L3MBTL3: variants seen among roughly 807,000 people sequenced by gnomAD.
The protein encoded by L3MBTL3 is L3MBTL histone methyl-lysine binding protein 3.
Under a neutral mutation model 102.3 loss-of-function variants are expected in L3MBTL3, and 27 were observed. The observed-to-expected ratio is 0.26, with a 90% CI of 0.19 to 0.36. L3MBTL3 has a LOEUF of 0.36. L3MBTL3 is among the 10% of genes least tolerant of loss of function. The probability of loss-of-function intolerance (pLI) is 1.00; values close to 1 mark genes in which losing one functional copy is unlikely to be tolerated. For synonymous variants in L3MBTL3, 340 were observed against 320.9 expected (o/e 1.06, Z -0.64); for missense variants, 798 against 955.3 (o/e 0.84, Z 2.17).
chr6:130,058,097 T>G (rs1223135643), intron 9 of L3MBTL3, among the ~76,000 whole-genome samples: 3 of 138,904 alleles, frequency 2.2e-5, no homozygotes, highest in Non-Finnish European at 4.5e-5. Context: ...GAGCCGAGAT[T>G]GCGCCATTGC....
chr6:130,072,704 A>T (rs1001931889), intron 13 of L3MBTL3, among the ~76,000 whole-genome samples: 2 of 152,186 alleles, frequency 1.3e-5, no homozygotes, highest in East Asian at 3.8e-4. Context: ...TTGTTTCGAA[A>T]TCAGTGACAG....
intron 22 of L3MBTL3, chr6:130,138,185 A>C (rs1378652010): frequency 6.6e-6 from 1 of 152,204 alleles, no homozygotes; most frequent in East Asian, 1.9e-4. Flanking sequence ...TAATTATATC[A>C]GCCTTGTTTA....
At chr6:130,123,825 C>T (rs954113438) in intron 20 of L3MBTL3, among the ~76,000 whole-genome samples, 22 of 152,094 alleles carry the variant, frequency 1.4e-4, no homozygotes, top group Admixed American at 1.3e-3. Flanking sequence ...GAAACCAAGG[C>T]TTATAGTATC....
At chr6:130,094,688 T>C (rs995393150) in intron 18 of L3MBTL3, among the ~76,000 whole-genome samples, 18 of 152,220 alleles carry the variant, frequency 1.2e-4, no homozygotes, top group Non-Finnish European at 2.4e-4. Context: ...GGAGACTCCG[T>C]TGATATCATT....
chr6:130,068,274 C>G, intron 11 of L3MBTL3, 56 bp from the exon 12 acceptor site: 1 of 900,096 alleles, frequency 1.1e-6, no homozygotes, highest in Non-Finnish European at 1.8e-6. Flanking sequence ...GACTGGAAAA[C>G]TAAGTGTAAA....
At chr6:130,055,006 A>G (rs1781372734) in intron 7 of L3MBTL3, 165 bp from the exon 8 acceptor site, 1 of 603,980 alleles carries the variant, frequency 1.7e-6, no homozygotes, top group Admixed American at 2.8e-5. Context: ...ACCTCAGGCC[A>G]AAAGCAACAG....
At chr6:130,131,872 T>A (rs542880280) in intron 20 of L3MBTL3, among the ~76,000 whole-genome samples, 2 of 152,298 alleles carry the variant, frequency 1.3e-5, no homozygotes, top group African/African-American at 4.8e-5. Flanking sequence ...TACTGCAGTC[T>A]GTTTTATCAG....
chr6:130,065,456 C>T (rs1016763988), intron 10 of L3MBTL3, among the ~76,000 whole-genome samples: 2 of 152,132 alleles, frequency 1.3e-5, no homozygotes, highest in African/African-American at 4.8e-5. Flanking sequence ...ATGTGTTCTA[C>T]CACTTGAATT....
At chr6:130,042,512 G>A (rs1206614552) in intron 2 of L3MBTL3, among the ~76,000 whole-genome samples, 173 bp from the exon 3 acceptor site, 2 of 152,000 alleles carry the variant, frequency 1.3e-5, no homozygotes, top group Non-Finnish European at 2.9e-5. Context: ...TCCAAGGATC[G>A]TACTAGGAAA....
At chr6:130,098,876 T>C (rs1001166856) in intron 18 of L3MBTL3, among the ~76,000 whole-genome samples, 2 of 151,302 alleles carry the variant, frequency 1.3e-5, no homozygotes, top group East Asian at 1.9e-4. Context: ...TTTTTTTTTT[T>C]TTTTTTTTAA....
At chr6:130,072,700 C>T (rs1458386184) in intron 13 of L3MBTL3, among the ~76,000 whole-genome samples, 5 of 152,172 alleles carry the variant, frequency 3.3e-5, no homozygotes, top group South Asian at 4.2e-4. Flanking sequence ...GGGATTGTTT[C>T]GAAATCAGTG....
chr6:130,034,784 C>G (rs888394325), intron 2 of L3MBTL3, among the ~76,000 whole-genome samples: 2 of 152,230 alleles, frequency 1.3e-5, no homozygotes, highest in African/African-American at 4.8e-5. Context: ...AGCTTTATGG[C>G]ATGTGTGATT....
At chr6:130,124,727 T>C (rs1347272156) in intron 20 of L3MBTL3, among the ~76,000 whole-genome samples, 4 of 152,108 alleles carry the variant, frequency 2.6e-5, no homozygotes, top group African/African-American at 9.7e-5. Flanking sequence ...TCCCAACACT[T>C]TGGGAGGCCG....
At chr6:130,062,236 G>C (rs1385073414) in intron 10 of L3MBTL3, among the ~76,000 whole-genome samples, 1 of 152,054 alleles carries the variant, frequency 6.6e-6, no homozygotes, top group Non-Finnish European at 1.5e-5. Flanking sequence ...TCCTGTTTCA[G>C]ATCCCCCTTC....
intron 2 of L3MBTL3, among the ~76,000 whole-genome samples, chr6:130,030,631 C>T (rs569323035): frequency 3.0e-5 from 4 of 131,150 alleles, no homozygotes; most frequent in Non-Finnish European, 4.6e-5. Flanking sequence ...CTTGCCCCTG[C>T]ATTCTAGCCT....
rs769279569 is a variant in L3MBTL3 at position 130,078,672 on chromosome 6, A to G, written c.1321+38A>G. On this transcript the variant is annotated intron_variant, in intron 14 of 22. Coordinates refer to ENST00000361794, the MANE Select transcript of L3MBTL3 (RefSeq NM_032438.4). ...TTAATGTGGCTAATACTATTCGTAG[A>G]CTTCAAGAGTAGGCAGACTTTTTCT... 4 of 1,364,918 alleles carry G rather than the reference A, an allele frequency of 2.9e-6. No homozygotes were observed. In the East Asian group the frequency reaches 9.2e-5, roughly 32 times the overall value. 84.6% of individuals were successfully genotyped at this position (1,364,918 alleles called of 1,614,324 possible).
At chr6:130,124,979 AAAAAT>A (rs1786498193) in intron 20 of L3MBTL3, among the ~76,000 whole-genome samples, 1 of 152,146 alleles carries the variant, frequency 6.6e-6, no homozygotes, top group African/African-American at 2.4e-5. Flanking sequence ...TCAAAAAAAA[AAAAAT>A]AAAATAAAAT....
chr6:130,114,974 T>C lies in L3MBTL3; in HGVS notation c.1887-5905T>C, dbSNP rs768549093. On this transcript the variant is annotated intron_variant, in intron 19 of 22. Coordinates refer to ENST00000361794, the MANE Select transcript of L3MBTL3 (RefSeq NM_032438.4). The stretch of plus-strand genomic sequence containing the variant: ...TTCAAGTATTCTTTTAAACTTTCTT[T>C]AGAGAATGTGGAGATTCTCATTCCC... Among the ~76,000 whole-genome samples, 101 of 152,032 alleles carry C rather than the reference T, an allele frequency of 6.6e-4. 1 individual carries two copies. The highest frequency in any genetic ancestry group is 1.9e-3 in the Admixed American group (29 of 15,252).
intron 13 of L3MBTL3, among the ~76,000 whole-genome samples, chr6:130,074,712 T>C (rs563655693): frequency 3.9e-5 from 6 of 152,332 alleles, no homozygotes; most frequent in South Asian, 2.1e-4. Context: ...CCAGGAAGGA[T>C]TGACAACAGG....
Sources: allele counts gnomAD v4.1 joint callset (sites outside exome capture counted in the v4.1 genomes callset), GRCh38; gene constraint gnomAD v4.1.1; transcripts MANE v1.5; gene names NCBI Gene and HGNC (gene_info 2026-07-23, HGNC 2026-07-21).